Variants in PDZRN4 observed in about 807,000 individuals in gnomAD.
PDZRN4 encodes the protein PDZ domain containing ring finger 4.
Under a neutral mutation model 99.0 loss-of-function variants are expected in PDZRN4, and 70 were observed. The ratio of observed to expected loss-of-function variants is 0.71; its 90% CI spans 0.58 to 0.86. The LOEUF (loss-of-function observed/expected upper bound fraction) is 0.86. Ranked by LOEUF, PDZRN4 falls within the 40% of genes least tolerant of loss-of-function variation. The pLI is 0.00. For synonymous variants in PDZRN4, 551 were observed against 501.6 expected, an observed-to-expected ratio of 1.10 and a Z score of -1.32; for missense variants, 1,474 against 1,331.2, an observed-to-expected ratio of 1.11 and a Z score of -1.67.
chr12:41,191,463 A>G lies in PDZRN4; in HGVS notation c.654A>G (p.Gly218=), dbSNP rs367548170. ...TTTTATACATTTTTTTCTAGGATGG[A>G]GAGCATAAGCCATTCACTATTGTGT... ...GDLGGGHRRD[G]EHKPFTIVLE... Residue 218 remains glycine (G), a synonymous_variant, in exon 2 of 10, where the codon GGA becomes GGG. Coordinates refer to ENST00000402685, the MANE Select transcript of PDZRN4 (RefSeq NM_001164595.2). 95 of 1,506,014 alleles carry G rather than the reference A, an allele frequency of 6.3e-5. No individual in the cohort carries two copies. The highest frequency in any genetic ancestry group is 3.4e-4 in the African/African-American group (25 of 72,850). 93.3% of individuals were successfully genotyped at this position (1,506,014 alleles called of 1,614,324 possible).
chr12:41,343,794 C>G (rs2405910), intron 3 of PDZRN4, among the ~76,000 whole-genome samples: 58,020 of 151,470 alleles, frequency 0.38, 11,190 homozygotes, highest in African/African-American at 0.4. Flanking sequence ...GTTAAGTACC[C>G]TGATTTGATC....
chr12:41,469,197 G>T (rs186003874), intron 3 of PDZRN4, among the ~76,000 whole-genome samples: 4 of 152,234 alleles, frequency 2.6e-5, no homozygotes, highest in African/African-American at 9.6e-5. Flanking sequence ...GTTTGTAAGT[G>T]ACATTATTTT....
chr12:41,438,039 A>G (rs1201226120), intron 3 of PDZRN4: 1 of 1,611,368 alleles, frequency 6.2e-7, no homozygotes, highest in South Asian at 1.1e-5. Context: ...GATACCAGCA[A>G]CTAAGAGCCA....
chr12:41,497,449 A>C (rs1275925138), intron 3 of PDZRN4, among the ~76,000 whole-genome samples: 2 of 152,108 alleles, frequency 1.3e-5, no homozygotes, highest in African/African-American at 2.4e-5. Flanking sequence ...GTCACAACTC[A>C]GTGAATAGGT....
chr12:41,542,488 C>A (rs887602214), intron 5 of PDZRN4, among the ~76,000 whole-genome samples: 5 of 152,230 alleles, frequency 3.3e-5, no homozygotes, highest in Non-Finnish European at 7.3e-5. Context: ...CTTGTTCCTG[C>A]CTCCACACAT....
At chr12:41,238,013 A>C (rs1351070902) in intron 3 of PDZRN4, among the ~76,000 whole-genome samples, 1 of 152,038 alleles carries the variant, frequency 6.6e-6, no homozygotes, top group Non-Finnish European at 1.5e-5. Flanking sequence ...GAAGAATGTC[A>C]ATGGTAGTTT....
chr12:41,418,624 C>G (rs1176949398), intron 3 of PDZRN4, among the ~76,000 whole-genome samples: 1 of 152,140 alleles, frequency 6.6e-6, no homozygotes, highest in East Asian at 1.9e-4. Flanking sequence ...CTGTGAGAGT[C>G]ACTACATTTT....
chr12:41,246,214 A>T (rs1951132903), intron 3 of PDZRN4, among the ~76,000 whole-genome samples: 1 of 152,206 alleles, frequency 6.6e-6, no homozygotes, highest in African/African-American at 2.4e-5. Flanking sequence ...TAGATTTTTT[A>T]AAACTTTTGT....
At chr12:41,203,254 G>A (rs1331588966) in intron 3 of PDZRN4, among the ~76,000 whole-genome samples, 2 of 151,892 alleles carry the variant, frequency 1.3e-5, no homozygotes, top group Non-Finnish European at 2.9e-5. Context: ...ACAACAAAAG[G>A]AACACAGAAT....
intron 5 of PDZRN4, among the ~76,000 whole-genome samples, chr12:41,545,660 G>A (rs1389535668): frequency 6.6e-6 from 1 of 152,036 alleles, no homozygotes. Flanking sequence ...GGTTTACAGA[G>A]CATGAATGGA....
intron 3 of PDZRN4, among the ~76,000 whole-genome samples, chr12:41,216,146 C>T (rs1448120506): frequency 6.6e-6 from 1 of 151,840 alleles, no homozygotes; most frequent in Admixed American, 6.6e-5. Flanking sequence ...TTTCCATAGG[C>T]CAAATCCAGA....
At chr12:41,223,443 A>T (rs1950971543) in intron 3 of PDZRN4, among the ~76,000 whole-genome samples, 1 of 152,038 alleles carries the variant, frequency 6.6e-6, no homozygotes, top group South Asian at 2.1e-4. Flanking sequence ...TCAGATAATC[A>T]CACAAAGGAC....
chr12:41,474,604 G>A (rs1258264460), intron 3 of PDZRN4, among the ~76,000 whole-genome samples: 3 of 152,160 alleles, frequency 2.0e-5, no homozygotes, highest in African/African-American at 7.2e-5. Flanking sequence ...GTGAAACTGG[G>A]GATCTCAGGG....
chr12:41,267,783 G>A (rs79066144), intron 3 of PDZRN4, among the ~76,000 whole-genome samples: 2,182 of 152,248 alleles, frequency 0.014, 22 homozygotes, highest in Middle Eastern at 0.034. Flanking sequence ...GGAGGTTGCA[G>A]TGAGCTGAGA....
intron 3 of PDZRN4, among the ~76,000 whole-genome samples, chr12:41,280,626 G>A (rs112010779): frequency 0.04 from 6,119 of 152,216 alleles, 417 homozygotes; most frequent in African/African-American, 0.14. Context: ...GCCCACCGCA[G>A]CTCAGCAAAG....
intron 3 of PDZRN4, among the ~76,000 whole-genome samples, chr12:41,223,560 A>G (rs188622175): frequency 6.6e-6 from 1 of 152,342 alleles, no homozygotes; most frequent in Admixed American, 6.5e-5. Context: ...TCCAAATACA[A>G]AATTCCAAAT....
At chr12:41,282,372 C>A (rs1171395031) in intron 3 of PDZRN4, among the ~76,000 whole-genome samples, 1 of 152,116 alleles carries the variant, frequency 6.6e-6, no homozygotes, top group Non-Finnish European at 1.5e-5. Context: ...TTTCATAAAG[C>A]AAGTTATTAG....
intron 3 of PDZRN4, among the ~76,000 whole-genome samples, chr12:41,213,955 A>G (rs942839707): frequency 6.6e-6 from 1 of 152,012 alleles, no homozygotes; most frequent in African/African-American, 2.4e-5. Flanking sequence ...GTTGTTATCA[A>G]GATTAAATGA....
At chr12:41,249,287 A>G (rs1051183102) in intron 3 of PDZRN4, among the ~76,000 whole-genome samples, 1 of 152,208 alleles carries the variant, frequency 6.6e-6, no homozygotes, top group African/African-American at 2.4e-5. Context: ...CAAAAAGTAC[A>G]TTGTTAGTAT....
Sources: allele counts gnomAD v4.1 joint callset (sites outside exome capture counted in the v4.1 genomes callset), GRCh38; gene constraint gnomAD v4.1.1; transcripts MANE v1.5; gene names NCBI Gene and HGNC (gene_info 2026-07-23, HGNC 2026-07-21).